Variants in MMP16 observed in about 807,000 individuals in gnomAD.
MMP16 encodes matrix metallopeptidase 16.
MMP16 carries 12 observed loss-of-function variants against 67.8 expected under a neutral mutation model. That is an observed-to-expected ratio of 0.18 (90% CI 0.11 to 0.29). MMP16 has a LOEUF of 0.29. Among genes scored for constraint, MMP16 ranks in the 10% least tolerant of loss-of-function variants. The probability of loss-of-function intolerance (pLI) is 1.00; values close to 1 mark genes in which losing one functional copy is unlikely to be tolerated. For synonymous variants in MMP16, 249 were observed against 255.9 expected (o/e 0.97, Z 0.26); for missense variants, 475 against 765.7 (o/e 0.62, Z 4.48).
At chr8:88,325,485 T>C (rs1369457023) in intron 1 of MMP16, among the ~76,000 whole-genome samples, 1 of 152,128 alleles carries the variant, frequency 6.6e-6, no homozygotes, top group Non-Finnish European at 1.5e-5. Flanking sequence ...CCTGAAGCAA[T>C]AGGCCCTTCT....
Position 88,094,211 on chromosome 8 carries a change from A to G in MMP16, c.1084-19468T>C, listed in dbSNP as rs16878005. ...TGCTTTAGCCCTGAAATATTCTATG[A>G]TGGTTTCTTCCATATAACCCAACAG... On this transcript the variant is annotated intron_variant, in intron 6 of 9. Transcript: ENST00000286614. Among the ~76,000 whole-genome samples the G allele has an allele frequency of 4.7e-3, 721 of 151,936 alleles. 55 individuals are homozygous for G. In the East Asian group the frequency reaches 0.12, roughly 26 times the overall value.
chr8:88,302,165 G>T lies in MMP16; in HGVS notation c.132+24910C>A, dbSNP rs575357578. ...TCCCAGATGCCCTATTTAAAAAACAGATCTACATTATAGTTAAGATCCTAG... is the reference window on the plus strand; with the variant it reads ...TCCCAGATGCCCTATTTAAAAAACATATCTACATTATAGTTAAGATCCTAG... On this transcript the variant is annotated intron_variant, in intron 1 of 9. Transcript: ENST00000286614. Among the ~76,000 whole-genome samples the T allele has an allele frequency of 2.0e-3, 304 of 152,288 alleles. 1 individual carries two copies. Among genetic ancestry groups the T allele is most frequent in the Non-Finnish European group, 2.6e-3 (177 of 68,026 alleles).
At chr8:88,129,364 C>T (rs1807989163) in intron 4 of MMP16, among the ~76,000 whole-genome samples, 2 of 151,608 alleles carry the variant, frequency 1.3e-5, no homozygotes, top group South Asian at 4.1e-4. Context: ...GAAAACAAAG[C>T]AAAAGCTAAT....
intron 3 of MMP16, among the ~76,000 whole-genome samples, chr8:88,177,352 CA>C: frequency 1.3e-5 from 2 of 152,080 alleles, no homozygotes; most frequent in Non-Finnish European, 2.9e-5. Context: ...TTCATTCCAT[CA>C]AAAAAGTAAG....
intron 1 of MMP16, among the ~76,000 whole-genome samples, chr8:88,277,814 T>C (rs1810671370): frequency 6.6e-6 from 1 of 152,166 alleles, no homozygotes; most frequent in Admixed American, 6.6e-5. Context: ...CTCTATATCA[T>C]TGGGTCTATG....
chr8:88,180,437 G>T (rs1364519631), intron 3 of MMP16, among the ~76,000 whole-genome samples: 2 of 151,678 alleles, frequency 1.3e-5, no homozygotes, highest in Non-Finnish European at 2.9e-5. Context: ...AAAAGTGAAG[G>T]TATGGAGAAA....
At chr8:88,161,366 T>C (rs1336705826) in intron 4 of MMP16, among the ~76,000 whole-genome samples, 2 of 152,174 alleles carry the variant, frequency 1.3e-5, no homozygotes, top group Non-Finnish European at 2.9e-5. Flanking sequence ...TGATGGTAGT[T>C]TGTATTTCTG....
chr8:88,306,509 A>T (rs542346392), intron 1 of MMP16, among the ~76,000 whole-genome samples: 2 of 152,320 alleles, frequency 1.3e-5, no homozygotes, highest in East Asian at 3.9e-4. Context: ...TCCTTGATGA[A>T]CATGGATGTA....
intron 1 of MMP16, among the ~76,000 whole-genome samples, chr8:88,310,191 G>A (rs1379294026): frequency 6.6e-6 from 1 of 151,954 alleles, no homozygotes; most frequent in East Asian, 1.9e-4. Context: ...AGAAAAAAAC[G>A]ACGAAGTTTA....
At chr8:88,087,377 C>A (rs1808851079) in intron 6 of MMP16, among the ~76,000 whole-genome samples, 1 of 151,820 alleles carries the variant, frequency 6.6e-6, no homozygotes, top group Admixed American at 6.6e-5. Flanking sequence ...TGCTTTTTAG[C>A]CGACTGTCCT....
At chr8:88,286,664 C>A (rs537545542) in intron 1 of MMP16, among the ~76,000 whole-genome samples, 1 of 152,016 alleles carries the variant, frequency 6.6e-6, no homozygotes, top group Admixed American at 6.6e-5. Context: ...CAAGCTCCAC[C>A]TCCAGCGTTC....
At chr8:88,324,230 A>G (rs1191133621) in intron 1 of MMP16, among the ~76,000 whole-genome samples, 1 of 152,170 alleles carries the variant, frequency 6.6e-6, no homozygotes, top group Admixed American at 6.5e-5. Context: ...AAGCAAAACC[A>G]AATGCACTCT....
chr8:88,223,751 T>A (rs888633916), intron 1 of MMP16, among the ~76,000 whole-genome samples: 9 of 149,408 alleles, frequency 6.0e-5, no homozygotes, highest in Non-Finnish European at 1.2e-4. Flanking sequence ...AATGACGAGT[T>A]AATGGGTGCA....
intron 1 of MMP16, among the ~76,000 whole-genome samples, chr8:88,312,739 C>T (rs946444943): frequency 2.0e-5 from 3 of 152,108 alleles, no homozygotes; most frequent in Non-Finnish European, 4.4e-5. Flanking sequence ...GAGGCTGAGG[C>T]GGGCAGATCA....
In MMP16 at chr8:88,032,534, G is replaced by A. The variant is rs1454119512; in HGVS notation, c.*8927C>T. ...GATTTACTAATAAAAGACAACTTGT[G>A]AATAATAAACACTGTTCAATGCACT... On this transcript the variant is annotated 3_prime_UTR_variant, in exon 10 of 10. Coordinates refer to ENST00000286614, the MANE Select transcript of MMP16 (RefSeq NM_005941.5). 2.0e-5 allele frequency: 3 copies of A among 152,052 alleles called. No individual in the cohort carries two copies. Among genetic ancestry groups the A allele is most frequent in the Middle Eastern group, 6.3e-3 (2 of 316 alleles). The allele number at this position is 152,052 out of a possible 1,614,324, so 9.4% of individuals were successfully genotyped here. A position where few individuals can be genotyped will look rare whatever the true frequency, so the allele number is the denominator to read the frequency against.
intron 3 of MMP16, among the ~76,000 whole-genome samples, chr8:88,168,370 C>T (rs1156980968): frequency 6.6e-6 from 1 of 152,148 alleles, no homozygotes; most frequent in Non-Finnish European, 1.5e-5. Context: ...TGTATTTGCA[C>T]ACATCCATTT....
chr8:88,254,765 C>A (rs1810276533), intron 1 of MMP16, among the ~76,000 whole-genome samples: 1 of 152,028 alleles, frequency 6.6e-6, no homozygotes, highest in African/African-American at 2.4e-5. Context: ...CAAAATACAA[C>A]ATTGTATCCT....
intron 1 of MMP16, among the ~76,000 whole-genome samples, chr8:88,307,166 T>C (rs1389351315): frequency 1.3e-5 from 2 of 152,060 alleles, no homozygotes; most frequent in African/African-American, 2.4e-5. Flanking sequence ...GTCTCACGTT[T>C]AAGATATCTG....
At chr8:88,115,615 G>C (rs1428337061) in intron 6 of MMP16, among the ~76,000 whole-genome samples, 1 of 151,988 alleles carries the variant, frequency 6.6e-6, no homozygotes, top group African/African-American at 2.4e-5. Context: ...TAGACAGTAT[G>C]TAAGTAGAAC....
Sources: gnomAD v4.1 joint callset for allele counts (sites outside exome capture counted in the v4.1 genomes callset) on GRCh38, gnomAD v4.1.1 for gene constraint, MANE v1.5 for transcripts, NCBI Gene and HGNC (gene_info 2026-07-23, HGNC 2026-07-21) for gene names.